HS6ST3: variants seen among roughly 807,000 people sequenced by gnomAD.
The protein encoded by HS6ST3 is heparan sulfate 6-O-sulfotransferase 3.
A neutral mutation model predicts 36.7 loss-of-function variants in HS6ST3; 12 were observed. That is an observed-to-expected ratio of 0.33 (90% CI 0.21 to 0.53). The LOEUF is 0.53. Among genes scored for constraint, HS6ST3 ranks in the 20% least tolerant of loss-of-function variants. The pLI is 0.95. For missense variants in HS6ST3, 584 were observed against 640.9 expected, an observed-to-expected ratio of 0.91 and a Z score of 0.96; for synonymous variants, 240 against 257.5, an observed-to-expected ratio of 0.93 and a Z score of 0.65.
chr13:96,405,483 C>T (rs1408843630), intron 1 of HS6ST3, among the ~76,000 whole-genome samples: 3 of 152,148 alleles, frequency 2.0e-5, no homozygotes, highest in South Asian at 2.1e-4. Flanking sequence ...GCATCTAACA[C>T]CATGCCTTAT....
At chr13:96,742,264 T>C (rs1178143647) in intron 1 of HS6ST3, among the ~76,000 whole-genome samples, 6 of 151,492 alleles carry the variant, frequency 4.0e-5, no homozygotes, top group African/African-American at 1.5e-4. Flanking sequence ...GAGGAAAAAA[T>C]AGATAAAAGC....
intron 1 of HS6ST3, among the ~76,000 whole-genome samples, chr13:96,718,609 T>G (rs1052011922): frequency 6.6e-6 from 1 of 152,110 alleles, no homozygotes; most frequent in African/African-American, 2.4e-5. Context: ...ATTGAACTTA[T>G]GACCTACACC....
At chr13:96,633,152 C>T (rs888814270) in intron 1 of HS6ST3, among the ~76,000 whole-genome samples, 3 of 152,170 alleles carry the variant, frequency 2.0e-5, no homozygotes. Flanking sequence ...CGTAAATCGG[C>T]CCGGGTGTGC....
Position 96,301,901 on chromosome 13 carries a change from A to T in HS6ST3, c.707+210332A>T, listed in dbSNP as rs1044036567. 1.1e-4 allele frequency among the ~76,000 whole-genome samples: 10 copies of T among 87,752 alleles called. 1 individual carries two copies. Among genetic ancestry groups the T allele is most frequent in the Admixed American group, 1.1e-4 (1 of 8,788 alleles). The allele number at this position is 87,752 out of a possible 152,430, so 57.6% of individuals were successfully genotyped here. On this transcript the variant is annotated intron_variant, in intron 1 of 1. Transcript: ENST00000376705. ...GGAGACACAATGAGACTCCATCTAT[A>T]ATAATAATAATAATAATAATAATAA... is the stretch of plus-strand genomic sequence containing the variant.
At chr13:96,260,732 C>T (rs2054662047) in intron 1 of HS6ST3, among the ~76,000 whole-genome samples, 1 of 150,360 alleles carries the variant, frequency 6.7e-6, no homozygotes, top group Non-Finnish European at 1.5e-5. Flanking sequence ...CTCGGCCTCC[C>T]AGGTTCAAGT....
chr13:96,147,546 A>G (rs1279556341), intron 1 of HS6ST3, among the ~76,000 whole-genome samples: 2 of 152,076 alleles, frequency 1.3e-5, no homozygotes, highest in African/African-American at 4.8e-5. Context: ...TTGTTCCCCA[A>G]CCCCTGGCTG....
At chr13:96,155,594 T>C (rs994700431) in intron 1 of HS6ST3, among the ~76,000 whole-genome samples, 3 of 152,126 alleles carry the variant, frequency 2.0e-5, no homozygotes, top group Non-Finnish European at 4.4e-5. Flanking sequence ...TAAGGATTTT[T>C]TTTTAAAAAA....
chr13:96,189,067 T>C (rs1312176224), intron 1 of HS6ST3, among the ~76,000 whole-genome samples: 1 of 152,164 alleles, frequency 6.6e-6, no homozygotes, highest in African/African-American at 2.4e-5. Flanking sequence ...TTTCAGTTCA[T>C]TTTTCTTCAT....
Position 96,142,033 on chromosome 13 carries a change from C to CA in HS6ST3, c.707+50486dup, listed in dbSNP as rs3084964. On this transcript the variant is annotated intron_variant, in intron 1 of 1. Transcript: ENST00000376705. ...ATCATGAAAGTGATTGTGGTCATGGCAAAAAAAAAAAAAAAAAAAAAAGCT... is the reference window on the plus strand; with the variant it reads ...ATCATGAAAGTGATTGTGGTCATGGCAAAAAAAAAAAAAAAAAAAAAAAGCT... Among the ~76,000 whole-genome samples the CA allele has an allele frequency of 2.4e-3, 239 of 101,050 alleles. 1 individual carries two copies. The highest frequency in any genetic ancestry group is 0.018 in the East Asian group (62 of 3,474). 66.3% of individuals were successfully genotyped at this position (101,050 alleles called of 152,430 possible). A position where few individuals can be genotyped will look rare whatever the true frequency, so the allele number is the denominator to read the frequency against.
intron 1 of HS6ST3, among the ~76,000 whole-genome samples, chr13:96,364,313 C>T (rs545665107): frequency 1.3e-5 from 2 of 152,206 alleles, no homozygotes; most frequent in Admixed American, 1.3e-4. Flanking sequence ...TTCATAGCAG[C>T]ATTATTGATA....
chr13:96,495,921 C>T (rs1271493996), intron 1 of HS6ST3, among the ~76,000 whole-genome samples: 1 of 152,204 alleles, frequency 6.6e-6, no homozygotes, highest in Non-Finnish European at 1.5e-5. Flanking sequence ...AGCATAAGGC[C>T]CCCACGCAAG....
At chr13:96,728,107 T>G (rs532955159) in intron 1 of HS6ST3, among the ~76,000 whole-genome samples, 2 of 152,118 alleles carry the variant, frequency 1.3e-5, no homozygotes, top group Non-Finnish European at 2.9e-5. Context: ...CTTGGCAAAA[T>G]GTACCTTCTC....
At chr13:96,285,956 T>G (rs1370459656) in intron 1 of HS6ST3, among the ~76,000 whole-genome samples, 1 of 145,656 alleles carries the variant, frequency 6.9e-6, no homozygotes, top group East Asian at 2.1e-4. Context: ...TCTCTTTCTC[T>G]CCTGCCTGCC....
chr13:96,107,155 T>C (rs1185848479), intron 1 of HS6ST3, among the ~76,000 whole-genome samples: 1 of 151,990 alleles, frequency 6.6e-6, no homozygotes, highest in African/African-American at 2.4e-5. Flanking sequence ...ATAAGAAAAG[T>C]GGTAGGGTCA....
intron 1 of HS6ST3, among the ~76,000 whole-genome samples, chr13:96,578,391 G>T (rs1000199137): frequency 6.6e-6 from 1 of 152,154 alleles, no homozygotes; most frequent in Non-Finnish European, 1.5e-5. Context: ...GAAGCTCCGA[G>T]CTGAAGCTGA....
At chr13:96,674,042 G>A (rs918072655) in intron 1 of HS6ST3, among the ~76,000 whole-genome samples, 1 of 152,052 alleles carries the variant, frequency 6.6e-6, no homozygotes, top group Non-Finnish European at 1.5e-5. Flanking sequence ...TGGGTGATAT[G>A]GTTTGTATTT....
intron 1 of HS6ST3, among the ~76,000 whole-genome samples, chr13:96,137,836 T>C (rs579608): frequency 0.87 from 131,989 of 151,850 alleles, 57,525 homozygotes; most frequent in East Asian, 0.91. Context: ...TTTTAAAGAA[T>C]GTTGAATTCT....
At chr13:96,747,860 A>G (rs576930369) in intron 1 of HS6ST3, among the ~76,000 whole-genome samples, 1 of 152,100 alleles carries the variant, frequency 6.6e-6, no homozygotes, top group South Asian at 2.1e-4. Flanking sequence ...TCCATATGGG[A>G]ATGCATTCCC....
intron 1 of HS6ST3, among the ~76,000 whole-genome samples, chr13:96,823,001 C>A (rs1457711819): frequency 6.6e-6 from 1 of 152,208 alleles, no homozygotes; most frequent in Non-Finnish European, 1.5e-5. Context: ...TCTAACCAGA[C>A]TGTCCTGGAA....
Sources: allele counts gnomAD v4.1 joint callset (sites outside exome capture counted in the v4.1 genomes callset), GRCh38; gene constraint gnomAD v4.1.1; transcripts MANE v1.5; gene names NCBI Gene and HGNC (gene_info 2026-07-23, HGNC 2026-07-21).